GALNT13: variants seen among roughly 807,000 people sequenced by gnomAD.
GALNT13 encodes the protein polypeptide N-acetylgalactosaminyltransferase 13.
In GALNT13, 28 loss-of-function variants were observed where a neutral mutation model predicts 64.2. The ratio of observed to expected loss-of-function variants is 0.44; its 90% CI spans 0.32 to 0.60. The LOEUF is 0.60. Ranked by LOEUF, GALNT13 falls within the 20% of genes least tolerant of loss-of-function variation. The pLI, the probability that GALNT13 is intolerant of heterozygous loss-of-function variation, is 0.05. For synonymous variants in GALNT13, 214 were observed against 224.6 expected (o/e 0.95, Z 0.42); for missense variants, 577 against 669.8 (o/e 0.86, Z 1.53).
chr2:153,758,781 C>T, the GALNT13 span, among the ~76,000 whole-genome samples: 1 of 152,012 alleles, frequency 6.6e-6, no homozygotes, highest in Non-Finnish European at 1.5e-5. Flanking sequence ...TTAGTAGAGT[C>T]AGGGTTTAAT....
chr2:154,204,952 C>A (rs900995073), intron 4 of GALNT13, among the ~76,000 whole-genome samples: 6 of 152,086 alleles, frequency 3.9e-5, no homozygotes, highest in African/African-American at 1.2e-4. Flanking sequence ...GCTGTGTTAG[C>A]CCTGATGGCT....
the GALNT13 span, among the ~76,000 whole-genome samples, chr2:153,299,132 G>A: frequency 6.6e-6 from 1 of 152,100 alleles, no homozygotes; most frequent in Non-Finnish European, 1.5e-5. Flanking sequence ...TATTTTATGT[G>A]ACAGAATTTT....
chr2:153,220,394 A>C, the GALNT13 span, among the ~76,000 whole-genome samples: 4 of 152,234 alleles, frequency 2.6e-5, no homozygotes, highest in Non-Finnish European at 4.4e-5. Flanking sequence ...GAGCATGTGC[A>C]TTAAGAGGCA....
intron 4 of GALNT13, among the ~76,000 whole-genome samples, chr2:154,211,772 C>CTGTAAAT (rs1343664595): frequency 1.3e-5 from 2 of 151,500 alleles, no homozygotes; most frequent in Non-Finnish European, 2.9e-5. Flanking sequence ...CAGTGCATGA[C>CTGTAAAT]TGTAAATGGC....
the GALNT13 span, among the ~76,000 whole-genome samples, chr2:153,774,092 A>C: frequency 6.6e-6 from 1 of 152,114 alleles, no homozygotes; most frequent in Non-Finnish European, 1.5e-5. Context: ...TTTTCTGGAA[A>C]ACTAGTTGAA....
the GALNT13 span, among the ~76,000 whole-genome samples, chr2:153,388,466 T>C: frequency 6.6e-6 from 1 of 152,106 alleles, no homozygotes; most frequent in Non-Finnish European, 1.5e-5. Context: ...GAGGAGTGGC[T>C]AAAGCATTTA....
chr2:153,642,774 C>T, the GALNT13 span, among the ~76,000 whole-genome samples: 1 of 151,764 alleles, frequency 6.6e-6, no homozygotes, highest in Non-Finnish European at 1.5e-5. Context: ...TAAAGCACAT[C>T]TCATTTTATT....
At chr2:154,254,726 A>G (rs1414840107) in intron 7 of GALNT13, among the ~76,000 whole-genome samples, 1 of 152,218 alleles carries the variant, frequency 6.6e-6, no homozygotes, top group African/African-American at 2.4e-5. Flanking sequence ...TGATGTACAC[A>G]CTGAACAGAG....
At chr2:154,378,749 T>C (rs1698120838) in intron 9 of GALNT13, among the ~76,000 whole-genome samples, 1 of 152,124 alleles carries the variant, frequency 6.6e-6, no homozygotes, top group African/African-American at 2.4e-5. Context: ...TTAACCCTGA[T>C]TTGATCATTA....
At chr2:154,208,281 T>C (rs1277254527) in intron 4 of GALNT13, among the ~76,000 whole-genome samples, 1 of 152,174 alleles carries the variant, frequency 6.6e-6, no homozygotes. Context: ...CAGACCTAGT[T>C]CTTGTTTTTT....
At chr2:153,457,060 T>C in the GALNT13 span, among the ~76,000 whole-genome samples, 1 of 152,172 alleles carries the variant, frequency 6.6e-6, no homozygotes, top group South Asian at 2.1e-4. Flanking sequence ...CTCTCCTACT[T>C]TGAGCAAGTG....
At chr2:154,358,354 T>C (rs1438345232) in intron 9 of GALNT13, among the ~76,000 whole-genome samples, 1 of 152,116 alleles carries the variant, frequency 6.6e-6, no homozygotes. Context: ...CTTCACTAAA[T>C]GAACTCAGAT....
At chr2:153,143,191 C>T in the GALNT13 span, among the ~76,000 whole-genome samples, 3 of 151,902 alleles carry the variant, frequency 2.0e-5, no homozygotes, top group Non-Finnish European at 2.9e-5. Context: ...TTGTTATCAT[C>T]GCTCCACTCA....
intron 8 of GALNT13, among the ~76,000 whole-genome samples, chr2:154,289,609 TG>T (rs1239095667): frequency 6.6e-6 from 1 of 152,142 alleles, no homozygotes; most frequent in Non-Finnish European, 1.5e-5. Flanking sequence ...TACCTCCCAC[TG>T]GGTTCCTCCC....
At chr2:154,227,011 T>A (rs1383041926) in intron 4 of GALNT13, among the ~76,000 whole-genome samples, 1 of 152,142 alleles carries the variant, frequency 6.6e-6, no homozygotes, top group Non-Finnish European at 1.5e-5. Flanking sequence ...CCTGCTCAAA[T>A]AAAGTGCAAT....
chr2:154,386,834 T>A (rs1222529382), intron 9 of GALNT13, among the ~76,000 whole-genome samples: 1 of 152,112 alleles, frequency 6.6e-6, no homozygotes, highest in East Asian at 1.9e-4. Flanking sequence ...GAATATGAGA[T>A]CTTTATTGTC....
At chr2:154,190,290 A>G (rs1686503028) in intron 4 of GALNT13, among the ~76,000 whole-genome samples, 1 of 152,230 alleles carries the variant, frequency 6.6e-6, no homozygotes, top group Admixed American at 6.5e-5. Context: ...AATTGTTGCT[A>G]GAATCAGAGT....
chr2:153,225,367 T>C, the GALNT13 span, among the ~76,000 whole-genome samples: 1 of 152,186 alleles, frequency 6.6e-6, no homozygotes, highest in Non-Finnish European at 1.5e-5. Context: ...ATCTATAAAA[T>C]GCCTACAGAT....
chr2:154,142,204 A>T (rs2105584975), intron 4 of GALNT13, among the ~76,000 whole-genome samples: 1 of 152,324 alleles, frequency 6.6e-6, no homozygotes, highest in African/African-American at 2.4e-5. Flanking sequence ...TCATGATATT[A>T]GCATCATATT....
Sources: allele counts gnomAD v4.1 joint callset (sites outside exome capture counted in the v4.1 genomes callset), GRCh38; gene constraint gnomAD v4.1.1; transcripts MANE v1.5; gene names NCBI Gene and HGNC (gene_info 2026-07-23, HGNC 2026-07-21).